The following GLMN variants were observed in gnomAD, a reference collection of about 807,000 sequenced individuals.
The protein encoded by GLMN is glomulin, FKBP associated protein, also known as glomulin.
Under a neutral mutation model 87.8 loss-of-function variants are expected in GLMN, and 75 were observed. The ratio of observed to expected loss-of-function variants is 0.85; its 90% CI spans 0.71 to 1.04. The LOEUF is 1.04. GLMN is among the 50% of genes least tolerant of loss of function. The probability of loss-of-function intolerance (pLI) is 0.00; values close to 1 mark genes in which losing one functional copy is unlikely to be tolerated. For missense variants in GLMN, 588 were observed against 658.8 expected (o/e 0.89, Z 1.18); for synonymous variants, 206 against 221.6 (o/e 0.93, Z 0.63).
chr1:92,366,494 G>A, the GLMN span, among the ~76,000 whole-genome samples: 1 of 152,186 alleles, frequency 6.6e-6, no homozygotes, highest in Non-Finnish European at 1.5e-5. Context: ...TCAACAGGGT[G>A]ACAGGTTCGT....
the GLMN span, among the ~76,000 whole-genome samples, chr1:92,357,065 CA>C: frequency 1.5e-3 from 178 of 116,800 alleles, no homozygotes; most frequent in Middle Eastern, 4.4e-3. Flanking sequence ...GACTCTGTCT[CA>C]AAAAAAAAAA....
the GLMN span, among the ~76,000 whole-genome samples, chr1:92,326,528 A>G: frequency 6.6e-6 from 1 of 152,124 alleles, no homozygotes; most frequent in Non-Finnish European, 1.5e-5. Context: ...AACTCCCAAG[A>G]ATATATGCCC....
At chr1:92,319,998 CAAA>C in the GLMN span, among the ~76,000 whole-genome samples, 4 of 90,300 alleles carry the variant, frequency 4.4e-5, no homozygotes, top group African/African-American at 4.2e-5. Flanking sequence ...AACTCCATCT[CAAA>C]AAAAAAAAAA....
chr1:92,369,426 C>G, the GLMN span, among the ~76,000 whole-genome samples: 2 of 152,178 alleles, frequency 1.3e-5, no homozygotes, highest in Non-Finnish European at 2.9e-5. Flanking sequence ...CCTCCCACCT[C>G]AGCCTCTTGT....
At chr1:92,253,367 G>A (rs1334753057) in intron 16 of GLMN, among the ~76,000 whole-genome samples, 2 of 152,176 alleles carry the variant, frequency 1.3e-5, no homozygotes, top group Admixed American at 1.3e-4. Flanking sequence ...ATTCCTGCCT[G>A]CCAGCTCTGA....
At chr1:92,251,154 AAAG>A (rs1456539566) in intron 16 of GLMN, among the ~76,000 whole-genome samples, 1 of 152,232 alleles carries the variant, frequency 6.6e-6, no homozygotes, top group Admixed American at 6.5e-5. Flanking sequence ...CAATTTTGAA[AAAG>A]AAGAACAAAG....
the GLMN span, among the ~76,000 whole-genome samples, chr1:92,355,107 T>A: frequency 1.8e-3 from 277 of 152,110 alleles, no homozygotes; most frequent in Admixed American, 5.6e-3. Context: ...TTGACCACAT[T>A]GCCTAGGCTG....
At chr1:92,355,005 C>T in the GLMN span, among the ~76,000 whole-genome samples, 4 of 151,648 alleles carry the variant, frequency 2.6e-5, no homozygotes, top group Middle Eastern at 3.5e-3. Flanking sequence ...CTCAAGCAAT[C>T]GTCCCACCTC....
the GLMN span, among the ~76,000 whole-genome samples, chr1:92,330,596 C>T: frequency 2.6e-4 from 39 of 151,578 alleles, 1 homozygote; most frequent in African/African-American, 9.2e-4. Flanking sequence ...TACAGGCACC[C>T]GTGCCATGCC....
chr1:92,271,551 A>C lies in GLMN; in HGVS notation c.837T>G (p.Asn279Lys), dbSNP rs1193322189. ...AAGCCATTGAGTCTGCTAACTGTTT[A>C]TTTTCTTCTTCTTCAAATTCAAGGT... ...WNYLEFEEEE[N>K]KQLADSMASL... The change falls in exon 8 of 19, where the codon AAT becomes AAG. Residue 279 changes from asparagine to lysine, a missense_variant. Physicochemically the swap from Asn to Lys is moderately conservative, Grantham distance 94 (BLOSUM62 0). Transcript: ENST00000370360. 1 of 1,611,716 alleles carries C rather than the reference A, an allele frequency of 6.2e-7. No individual in the cohort carries two copies. Among genetic ancestry groups the C allele is most frequent in the Non-Finnish European group, 8.5e-7 (1 of 1,178,076 alleles).
At chr1:92,250,064 T>A (rs1382918659) in intron 16 of GLMN, among the ~76,000 whole-genome samples, 2 of 152,066 alleles carry the variant, frequency 1.3e-5, no homozygotes, top group Non-Finnish European at 2.9e-5. Context: ...CTGCAACTGA[T>A]GGCTTTCAAG....
At chr1:92,351,453 A>G in the GLMN span, among the ~76,000 whole-genome samples, 1 of 152,170 alleles carries the variant, frequency 6.6e-6, no homozygotes, top group Admixed American at 6.5e-5. Context: ...AAAGTAAAGA[A>G]TCACTTTTAA....
At chr1:92,316,654 G>A in the GLMN span, among the ~76,000 whole-genome samples, 1 of 152,122 alleles carries the variant, frequency 6.6e-6, no homozygotes, top group East Asian at 1.9e-4. Context: ...TGTAAACTGA[G>A]CTTTCACAAC....
Position 92,298,934 on chromosome 1 carries a change from C to G in GLMN, c.-40G>C. ...CCACAACTCCACTTACCGGCCAGAACCCTCGCCTCTCCCAGCCGCCGCCAC... is the reference window on the plus strand; with the variant it reads ...CCACAACTCCACTTACCGGCCAGAAGCCTCGCCTCTCCCAGCCGCCGCCAC... On this transcript the variant is annotated 5_prime_UTR_variant, in exon 1 of 19. Transcript: ENST00000370360. The G allele has an allele frequency of 2.1e-6, 1 of 484,402 alleles. No individual in the cohort carries two copies. Among genetic ancestry groups the G allele is most frequent in the Non-Finnish European group, 3.7e-6 (1 of 272,038 alleles). 30.0% of individuals were successfully genotyped at this position (484,402 alleles called of 1,614,324 possible).
chr1:92,277,622 A>C (rs1001203263), intron 7 of GLMN, among the ~76,000 whole-genome samples: 1 of 152,190 alleles, frequency 6.6e-6, no homozygotes, highest in Non-Finnish European at 1.5e-5. Flanking sequence ...TCAATGATGT[A>C]ATCAATCATT....
Position 92,288,990 on chromosome 1 carries a change from G to T in GLMN, c.556C>A (p.Pro186Thr). 6.2e-7 allele frequency: 1 copy of T among 1,612,396 alleles called. No individual in the cohort carries two copies. Among genetic ancestry groups the T allele is most frequent in the South Asian group, 1.1e-5 (1 of 91,052 alleles). The change falls in exon 6 of 19, where the codon CCT (proline) becomes ACT (threonine). Residue 186 changes from proline (P) to threonine (T), a missense_variant. By Grantham distance (38) the Pro-to-Thr change is conservative. Transcript: ENST00000370360. ...TTATCAATGACTTCTTCCACAAAAGGCTTAGTGAACTCTATTAAGGCCTTG... is the reference window on the plus strand; with the variant it reads ...TTATCAATGACTTCTTCCACAAAAGTCTTAGTGAACTCTATTAAGGCCTTG... ...CCKALIEFTK[P>T]FVEEVIDNKE...
chr1:92,337,856 T>C, the GLMN span, among the ~76,000 whole-genome samples: 4 of 152,182 alleles, frequency 2.6e-5, no homozygotes, highest in Non-Finnish European at 4.4e-5. Flanking sequence ...TTTAATGTTG[T>C]GACTACTAGT....
chr1:92,263,802 A>G, intron 14 of GLMN, 70 bp from the exon 15 acceptor site: 1 of 802,016 alleles, frequency 1.2e-6, no homozygotes, highest in South Asian at 1.3e-5. Flanking sequence ...TAATACCTTG[A>G]CACTACAAAA....
the GLMN span, among the ~76,000 whole-genome samples, chr1:92,357,819 A>G: frequency 6.6e-6 from 1 of 152,268 alleles, no homozygotes. Flanking sequence ...GGCGTGAGCC[A>G]CCATACCCTG....
Sources: gnomAD v4.1 joint callset for allele counts (sites outside exome capture counted in the v4.1 genomes callset) on GRCh38, gnomAD v4.1.1 for gene constraint, MANE v1.5 for transcripts, NCBI Gene and HGNC (gene_info 2026-07-23, HGNC 2026-07-21) for gene names.